KCNIP4: variants seen among roughly 807,000 people sequenced by gnomAD.
The protein encoded by KCNIP4 is potassium voltage-gated channel interacting protein 4.
In KCNIP4, 12 loss-of-function variants were observed where a neutral mutation model predicts 34.0. The ratio of observed to expected loss-of-function variants is 0.35; its 90% CI spans 0.23 to 0.57. The LOEUF is 0.57. Ranked by LOEUF, KCNIP4 falls within the 20% of genes least tolerant of loss-of-function variation. KCNIP4 has a pLI of 0.83. For synonymous variants in KCNIP4, 124 were observed against 102.2 expected, an observed-to-expected ratio of 1.21 and a Z score of -1.29; for missense variants, 238 against 311.7, an observed-to-expected ratio of 0.76 and a Z score of 1.78.
intron 1 of KCNIP4, among the ~76,000 whole-genome samples, chr4:21,417,369 G>C (rs1725044891): frequency 6.6e-6 from 1 of 151,534 alleles, no homozygotes. Flanking sequence ...CTTAGGTAAA[G>C]GTGGTAAGAA....
At chr4:20,965,741 G>A (rs562086608) in intron 1 of KCNIP4, among the ~76,000 whole-genome samples, 1 of 152,272 alleles carries the variant, frequency 6.6e-6, no homozygotes, top group South Asian at 2.1e-4. Context: ...CAAAGATTTT[G>A]CAACTATAGA....
chr4:21,049,201 C>G (rs982505723), intron 1 of KCNIP4, among the ~76,000 whole-genome samples: 1 of 151,878 alleles, frequency 6.6e-6, no homozygotes, highest in Non-Finnish European at 1.5e-5. Context: ...CCGCCCGCCT[C>G]GGCCTCCCAA....
chr4:21,221,877 G>A (rs73802510), intron 1 of KCNIP4, among the ~76,000 whole-genome samples: 7,896 of 152,206 alleles, frequency 0.052, 669 homozygotes, highest in African/African-American at 0.18. Context: ...ATGGCCACAC[G>A]AATAAGTTTT....
chr4:21,132,941 A>G (rs150743435), intron 1 of KCNIP4, among the ~76,000 whole-genome samples: 7,074 of 151,384 alleles, frequency 0.047, 244 homozygotes, highest in East Asian at 0.14. Flanking sequence ...TGAACCCAGG[A>G]GGCAGAAGTT....
At chr4:21,482,869 A>G (rs1485014689) in intron 1 of KCNIP4, among the ~76,000 whole-genome samples, 1 of 152,084 alleles carries the variant, frequency 6.6e-6, no homozygotes, top group Non-Finnish European at 1.5e-5. Flanking sequence ...GACTTGCTAG[A>G]TATAATGTGG....
chr4:21,773,647 T>C (rs996894242), intron 1 of KCNIP4, among the ~76,000 whole-genome samples: 4 of 152,206 alleles, frequency 2.6e-5, no homozygotes, highest in African/African-American at 9.7e-5. Context: ...TCTTGTTAAA[T>C]TGTTCCCTTT....
chr4:21,039,380 A>G (rs549714330), intron 1 of KCNIP4, among the ~76,000 whole-genome samples: 15 of 147,980 alleles, frequency 1.0e-4, no homozygotes, highest in Admixed American at 4.1e-4. Flanking sequence ...AAAAAAGAAA[A>G]AAAAAAAAAA....
intron 3 of KCNIP4, among the ~76,000 whole-genome samples, chr4:20,848,856 T>A (rs1465312826): frequency 6.6e-6 from 1 of 152,158 alleles, no homozygotes; most frequent in East Asian, 1.9e-4. Flanking sequence ...AGCAAAGAAG[T>A]TTAGGTGTTC....
At chr4:21,055,925 CAT>C (rs1743358686) in intron 1 of KCNIP4, among the ~76,000 whole-genome samples, 1 of 152,106 alleles carries the variant, frequency 6.6e-6, no homozygotes, top group South Asian at 2.1e-4. Context: ...AGTGAACCCT[CAT>C]ATAAACTACA....
chr4:21,631,533 A>G (rs1745766596), intron 1 of KCNIP4, among the ~76,000 whole-genome samples: 1 of 152,172 alleles, frequency 6.6e-6, no homozygotes, highest in Non-Finnish European at 1.5e-5. Context: ...GGATGGAGTT[A>G]ATGCTATAAA....
At chr4:20,819,986 G>A (rs1466815588) in intron 3 of KCNIP4, among the ~76,000 whole-genome samples, 1 of 152,184 alleles carries the variant, frequency 6.6e-6, no homozygotes, top group Non-Finnish European at 1.5e-5. Flanking sequence ...GGAACTGCTG[G>A]TACCAAGCAG....
At chr4:21,001,734 T>C (rs1163984152) in intron 1 of KCNIP4, among the ~76,000 whole-genome samples, 2 of 152,222 alleles carry the variant, frequency 1.3e-5, no homozygotes, top group Admixed American at 1.3e-4. Context: ...AGGTGTATAT[T>C]ATCTGCACTT....
intron 1 of KCNIP4, among the ~76,000 whole-genome samples, chr4:21,359,134 CT>C (rs1223658420): frequency 6.6e-6 from 1 of 152,068 alleles, no homozygotes; most frequent in Non-Finnish European, 1.5e-5. Context: ...GTAAATGGCT[CT>C]TCCCAATTTG....
At chr4:21,402,384 G>A (rs1482469932) in intron 1 of KCNIP4, among the ~76,000 whole-genome samples, 1 of 152,200 alleles carries the variant, frequency 6.6e-6, no homozygotes, top group East Asian at 1.9e-4. Context: ...TATTATCACA[G>A]TTGTGGATAT....
At chr4:21,812,613 T>A (rs1721728070) in intron 1 of KCNIP4, among the ~76,000 whole-genome samples, 1 of 152,178 alleles carries the variant, frequency 6.6e-6, no homozygotes, top group Admixed American at 6.6e-5. Flanking sequence ...TGAATCTCAA[T>A]CCACAAACTC....
intron 1 of KCNIP4, among the ~76,000 whole-genome samples, chr4:21,357,949 T>G (rs922611439): frequency 5.9e-5 from 9 of 152,142 alleles, no homozygotes; most frequent in East Asian, 1.9e-4. Flanking sequence ...ACTGGATTAA[T>G]AAAATGTGGC....
chr4:21,310,058 C>T (rs967950940), intron 1 of KCNIP4, among the ~76,000 whole-genome samples: 2 of 152,098 alleles, frequency 1.3e-5, no homozygotes, highest in East Asian at 1.9e-4. Flanking sequence ...GAGACAAGGC[C>T]TTGCTTTTTC....
At chr4:21,341,734 G>A (rs1716784142) in intron 1 of KCNIP4, among the ~76,000 whole-genome samples, 1 of 152,008 alleles carries the variant, frequency 6.6e-6, no homozygotes, top group African/African-American at 2.4e-5. Context: ...ATCAGTTCTT[G>A]GCCTCAAGTC....
intron 1 of KCNIP4, among the ~76,000 whole-genome samples, chr4:21,491,762 A>C (rs1045820326): frequency 5.9e-5 from 9 of 152,168 alleles, no homozygotes; most frequent in African/African-American, 2.2e-4. Context: ...TTGTTTTATC[A>C]GTGTTGGCCT....
Sources: allele counts gnomAD v4.1 joint callset (sites outside exome capture counted in the v4.1 genomes callset), GRCh38; gene constraint gnomAD v4.1.1; transcripts MANE v1.5; gene names NCBI Gene and HGNC (gene_info 2026-07-23, HGNC 2026-07-21).